The following FHIT variants were observed in gnomAD, a reference collection of about 807,000 sequenced individuals.
The protein encoded by FHIT is bis(5'-adenosyl)-triphosphatase.
A neutral mutation model predicts 17.9 loss-of-function variants in FHIT; 19 were observed. The observed-to-expected ratio is 1.06, with a 90% CI of 0.74 to 1.56. FHIT has a LOEUF of 1.56. Ranked by LOEUF, FHIT falls within the 40% of genes most tolerant of loss-of-function variation. The pLI, the probability that FHIT is intolerant of heterozygous loss-of-function variation, is 0.00. For synonymous variants in FHIT, 81 were observed against 69.7 expected (o/e 1.16, Z -0.81); for missense variants, 248 against 189.2 (o/e 1.31, Z -1.82).
Position 60,030,724 on chromosome 3 carries a change from A to T in FHIT, c.104-16572T>A, listed in dbSNP as rs186281825. Among the ~76,000 whole-genome samples, 259 of 152,276 alleles carry T rather than the reference A, an allele frequency of 1.7e-3. 1 individual carries two copies. In the Middle Eastern group the frequency reaches 0.02, roughly 12 times the overall value. On this transcript the variant is annotated intron_variant, in intron 5 of 9. Transcript: ENST00000492590. ...ACTGAATTGGTGGGTCAATGGATGG[A>T]TGGATGGCTGGGATGCATGGACGGA...
At chr3:60,498,813 T>C (rs967103210) in intron 5 of FHIT, among the ~76,000 whole-genome samples, 1 of 152,054 alleles carries the variant, frequency 6.6e-6, no homozygotes, top group Non-Finnish European at 1.5e-5. Context: ...TATACACTTT[T>C]ACACCAAATT....
At position 60,449,981 on chromosome 3, in the gene FHIT, G is replaced by A. The variant is rs558913045; in HGVS notation, c.103+86879C>T. 2.4e-4 allele frequency among the ~76,000 whole-genome samples: 31 copies of A among 127,742 alleles called. No homozygotes were observed. In the South Asian group the frequency reaches 6.2e-3, roughly 26 times the overall value. The allele number at this position is 127,742 out of a possible 152,430, so 83.8% of individuals were successfully genotyped here. A position where few individuals can be genotyped will look rare whatever the true frequency, so the allele number is the denominator to read the frequency against. Reference sequence around the variant, plus strand: ...TCGGGGCACTGCACTCCAGCCTGGCGACAGAGCTAGACTCTGTCAAAAAAA... The same window carrying A: ...TCGGGGCACTGCACTCCAGCCTGGCAACAGAGCTAGACTCTGTCAAAAAAA... On this transcript the variant is annotated intron_variant, in intron 5 of 9. Coordinates refer to ENST00000492590, the MANE Select transcript of FHIT (RefSeq NM_002012.4).
At chr3:61,097,330 C>T (rs1009385901) in intron 2 of FHIT, among the ~76,000 whole-genome samples, 1 of 152,128 alleles carries the variant, frequency 6.6e-6, no homozygotes, top group African/African-American at 2.4e-5. Context: ...ACCACATGTT[C>T]TTTATCCAGT....
chr3:61,060,226 A>C (rs1302948721), intron 2 of FHIT, among the ~76,000 whole-genome samples: 1 of 152,222 alleles, frequency 6.6e-6, no homozygotes, highest in Non-Finnish European at 1.5e-5. Context: ...TAGAAGTTTG[A>C]TGGTATAGTT....
At chr3:61,065,489 C>T (rs2034574202) in intron 2 of FHIT, among the ~76,000 whole-genome samples, 1 of 151,996 alleles carries the variant, frequency 6.6e-6, no homozygotes, top group Admixed American at 6.6e-5. Flanking sequence ...CAAGAAGGTC[C>T]AATCCAAGAG....
chr3:59,970,841 T>C (rs1461581042), intron 7 of FHIT, among the ~76,000 whole-genome samples: 2 of 119,992 alleles, frequency 1.7e-5, no homozygotes, highest in African/African-American at 2.9e-5. Flanking sequence ...TCCAGCCATT[T>C]TTTTTTTTTT....
chr3:60,495,937 T>C (rs2034284087), intron 5 of FHIT, among the ~76,000 whole-genome samples: 2 of 152,142 alleles, frequency 1.3e-5, no homozygotes, highest in African/African-American at 4.8e-5. Context: ...AAGAATAGAA[T>C]GGAACACTGT....
At chr3:61,132,133 A>T (rs977893234) in intron 2 of FHIT, among the ~76,000 whole-genome samples, 1 of 152,210 alleles carries the variant, frequency 6.6e-6, no homozygotes, top group Non-Finnish European at 1.5e-5. Flanking sequence ...CTGAGTATGG[A>T]GGCCAGGACA....
intron 5 of FHIT, among the ~76,000 whole-genome samples, chr3:60,056,699 C>G (rs2630166): frequency 0.63 from 96,379 of 152,094 alleles, 31,593 homozygotes; most frequent in Non-Finnish European, 0.71. Flanking sequence ...TCTCAAAAGA[C>G]TTTTTGCTGG....
At chr3:60,413,132 TAA>T (rs1279558993) in intron 5 of FHIT, among the ~76,000 whole-genome samples, 7 of 152,164 alleles carry the variant, frequency 4.6e-5, no homozygotes, top group Non-Finnish European at 8.8e-5. Flanking sequence ...TGACAGAAGG[TAA>T]AAGAGTCCAT....
At chr3:60,204,215 A>T (rs1312783141) in intron 5 of FHIT, among the ~76,000 whole-genome samples, 1 of 152,116 alleles carries the variant, frequency 6.6e-6, no homozygotes, top group African/African-American at 2.4e-5. Flanking sequence ...CCTACTATGT[A>T]CCCGTGAAAA....
At chr3:59,887,313 T>C (rs1703666933) in intron 8 of FHIT, among the ~76,000 whole-genome samples, 1 of 152,160 alleles carries the variant, frequency 6.6e-6, no homozygotes, top group Non-Finnish European at 1.5e-5. Context: ...GCACCATCTT[T>C]GGGCCAAAAG....
intron 3 of FHIT, among the ~76,000 whole-genome samples, chr3:60,917,502 C>T (rs1254468578): frequency 6.6e-6 from 1 of 152,212 alleles, no homozygotes; most frequent in African/African-American, 2.4e-5. Flanking sequence ...AAAATCTTTG[C>T]CATGGCTGGC....
At chr3:60,302,878 A>G (rs1708508593) in intron 5 of FHIT, among the ~76,000 whole-genome samples, 1 of 152,178 alleles carries the variant, frequency 6.6e-6, no homozygotes, top group Admixed American at 6.6e-5. Flanking sequence ...GGTATCTTAG[A>G]CAAGACTGCC....
chr3:60,877,029 C>A (rs1704696616), intron 3 of FHIT, among the ~76,000 whole-genome samples: 1 of 152,166 alleles, frequency 6.6e-6, no homozygotes, highest in Admixed American at 6.6e-5. Flanking sequence ...CCTTGGACAC[C>A]CACAGTCCTC....
At chr3:59,762,502 A>C (rs1187340333) in intron 8 of FHIT, among the ~76,000 whole-genome samples, 1 of 152,136 alleles carries the variant, frequency 6.6e-6, no homozygotes, top group Non-Finnish European at 1.5e-5. Context: ...TGGATGAGAC[A>C]CACAAACACT....
chr3:60,606,904 T>A (rs1243534941), intron 4 of FHIT, among the ~76,000 whole-genome samples: 1 of 152,182 alleles, frequency 6.6e-6, no homozygotes, highest in Admixed American at 6.5e-5. Context: ...ACAAATTCCT[T>A]TTCTACTTAT....
intron 7 of FHIT, among the ~76,000 whole-genome samples, chr3:59,988,310 T>C (rs186510223): frequency 8.5e-5 from 13 of 152,234 alleles, no homozygotes; most frequent in Admixed American, 7.9e-4. Flanking sequence ...CTTCGTGACT[T>C]ACTCTCGCAT....
At chr3:61,033,956 T>A (rs575452193) in intron 3 of FHIT, among the ~76,000 whole-genome samples, 1 of 152,292 alleles carries the variant, frequency 6.6e-6, no homozygotes, top group Admixed American at 6.5e-5. Context: ...AAGGAGACAC[T>A]CTGAAGTTTC....
Sources: gnomAD v4.1 joint callset for allele counts (sites outside exome capture counted in the v4.1 genomes callset) on GRCh38, gnomAD v4.1.1 for gene constraint, MANE v1.5 for transcripts, NCBI Gene and HGNC (gene_info 2026-07-23, HGNC 2026-07-21) for gene names.